Variants in CNBD1 observed in about 807,000 individuals in gnomAD.
CNBD1 encodes the protein cyclic nucleotide binding domain containing 1, also known as cyclic nucleotide-binding domain-containing protein 1.
A neutral mutation model predicts 54.4 loss-of-function variants in CNBD1; 71 were observed. The observed-to-expected ratio is 1.30, with a 90% CI of 1.08 to 1.59. CNBD1 has a LOEUF of 1.59. Ranked by LOEUF, CNBD1 falls within the 40% of genes most tolerant of loss-of-function variation. CNBD1 has a pLI of 0.00. For missense variants in CNBD1, 659 were observed against 518.0 expected (o/e 1.27, Z -2.64); for synonymous variants, 182 against 170.7 (o/e 1.07, Z -0.51).
chr8:87,236,387 T>C (rs894079446), intron 5 of CNBD1, among the ~76,000 whole-genome samples: 4 of 152,024 alleles, frequency 2.6e-5, no homozygotes, highest in Non-Finnish European at 4.4e-5. Flanking sequence ...AGGACAGATA[T>C]GGGAAAAACT....
rs539461255 is a variant in CNBD1, at chr8:86,877,390, G to A, written c.89-10152G>A. ...TATGGGTATGTGATTTCTTCACCCA[G>A]TGCTTACTAGGCGAAATTTGATATC... On this transcript the variant is annotated intron_variant, in intron 1 of 10. Coordinates refer to ENST00000518476, the MANE Select transcript of CNBD1 (RefSeq NM_173538.3). Among the ~76,000 whole-genome samples the A allele has an allele frequency of 4.6e-5, 7 of 152,216 alleles. No homozygotes were observed. The East Asian group carries it at 5.8e-4, about 13-fold the overall frequency.
chr8:87,261,945 A>C (rs1239975223), intron 6 of CNBD1, among the ~76,000 whole-genome samples: 1 of 151,768 alleles, frequency 6.6e-6, no homozygotes, highest in African/African-American at 2.4e-5. Context: ...CAGGAGTTCA[A>C]GACTAGTCTG....
chr8:87,284,651 A>T, intron 6 of CNBD1, 27 bp from the exon 7 acceptor site: 2 of 1,580,128 alleles, frequency 1.3e-6, no homozygotes, highest in Non-Finnish European at 1.7e-6. Flanking sequence ...GGTAATAAAC[A>T]TTAAATTGTC....
At chr8:87,132,857 C>T (rs1009527913) in intron 4 of CNBD1, among the ~76,000 whole-genome samples, 58 of 149,166 alleles carry the variant, frequency 3.9e-4, no homozygotes, top group Admixed American at 1.3e-3. Flanking sequence ...TTCCTCTCTC[C>T]TCTCATTTTG....
intron 5 of CNBD1, among the ~76,000 whole-genome samples, chr8:87,221,792 C>T (rs1478500024): frequency 1.3e-5 from 2 of 152,100 alleles, no homozygotes; most frequent in Non-Finnish European, 2.9e-5. Flanking sequence ...AATTTCTTTA[C>T]ATCCCGTCCA....
At chr8:87,048,934 G>T (rs1198397962) in intron 4 of CNBD1, among the ~76,000 whole-genome samples, 1 of 152,222 alleles carries the variant, frequency 6.6e-6, no homozygotes. Context: ...CCCCACCTAG[G>T]TGAAAGGTTT....
intron 5 of CNBD1, among the ~76,000 whole-genome samples, chr8:87,222,146 T>A (rs1422974375): frequency 6.6e-6 from 1 of 152,056 alleles, no homozygotes; most frequent in Non-Finnish European, 1.5e-5. Flanking sequence ...TAGGCTTCCA[T>A]CTAAGGGCCT....
At chr8:87,051,126 A>T (rs1245961692) in intron 4 of CNBD1, among the ~76,000 whole-genome samples, 1 of 152,156 alleles carries the variant, frequency 6.6e-6, no homozygotes, top group African/African-American at 2.4e-5. Context: ...AGGCATAATT[A>T]AAAAGGCATG....
intron 1 of CNBD1, among the ~76,000 whole-genome samples, chr8:86,879,553 A>C (rs1365570774): frequency 6.6e-6 from 1 of 152,218 alleles, no homozygotes; most frequent in Non-Finnish European, 1.5e-5. Flanking sequence ...TTCATGGAGC[A>C]CCCAGAACAT....
chr8:87,407,646 C>A (rs1173238111), intron 2 of CNBD1, among the ~76,000 whole-genome samples: 2 of 151,956 alleles, frequency 1.3e-5, no homozygotes, highest in African/African-American at 4.8e-5. Context: ...TGCTTTCAAT[C>A]CTTGTCAGCT....
intron 10 of CNBD1, among the ~76,000 whole-genome samples, chr8:87,359,997 A>G (rs1490954823): frequency 6.6e-6 from 1 of 152,022 alleles, no homozygotes; most frequent in African/African-American, 2.4e-5. Context: ...AGAACTATAA[A>G]GGTATTACTG....
In CNBD1 at chr8:86,875,175, TC is replaced by T. The variant is rs543121237; in HGVS notation, c.88+8594del. Among the ~76,000 whole-genome samples the T allele has an allele frequency of 2.6e-3, 396 of 152,086 alleles. 3 individuals are homozygous for T. The highest frequency in any genetic ancestry group is 9.1e-3 in the African/African-American group (376 of 41,470). ...TTTAACATAACACTTTTGAGTAGTT[TC>T]CTTGTTTGTAATCTATCTTCCATAT... On this transcript the variant is annotated intron_variant, in intron 1 of 10. Coordinates refer to ENST00000518476, the MANE Select transcript of CNBD1 (RefSeq NM_173538.3).
chr8:87,153,441 C>A (rs1421732109), intron 4 of CNBD1, among the ~76,000 whole-genome samples: 1 of 152,084 alleles, frequency 6.6e-6, no homozygotes, highest in Non-Finnish European at 1.5e-5. Flanking sequence ...AACAGCATAA[C>A]ACAAATGAGT....
chr8:87,336,483 A>G (rs539773312), intron 8 of CNBD1, among the ~76,000 whole-genome samples: 3 of 151,664 alleles, frequency 2.0e-5, no homozygotes, highest in Non-Finnish European at 4.4e-5. Context: ...TAATTGATCA[A>G]TTTGGCTATT....
chr8:87,313,887 CA>C (rs1809326458), intron 8 of CNBD1, among the ~76,000 whole-genome samples: 1 of 151,728 alleles, frequency 6.6e-6, no homozygotes, highest in African/African-American at 2.4e-5. Context: ...TATACCAAGG[CA>C]AAAAATTGTG....
chr8:87,036,693 A>C (rs1809958319), intron 4 of CNBD1, among the ~76,000 whole-genome samples: 1 of 151,688 alleles, frequency 6.6e-6, no homozygotes, highest in African/African-American at 2.4e-5. Context: ...GGAGATAATA[A>C]GTACTTTTCA....
At chr8:86,939,573 A>T in intron 3 of CNBD1, 23 bp from the exon 4 acceptor site, 1 of 1,542,192 alleles carries the variant, frequency 6.5e-7, no homozygotes, top group African/African-American at 1.4e-5. Flanking sequence ...CAACAGCATA[A>T]AATACTATAT....
At position 87,167,157 on chromosome 8, in the gene CNBD1, T is replaced by C. The variant is rs147636282; in HGVS notation, c.432-38836T>C. Among the ~76,000 whole-genome samples the C allele has an allele frequency of 9.5e-3, 1,441 of 152,136 alleles. 15 individuals are homozygous for C. Among genetic ancestry groups the C allele is most frequent in the Admixed American group, 0.015 (227 of 15,230 alleles). On this transcript the variant is annotated intron_variant, in intron 4 of 10. Coordinates refer to ENST00000518476, the MANE Select transcript of CNBD1 (RefSeq NM_173538.3). ...CTCTGTGCCTACCCTTTCAAATTTT[T>C]ATTTTTATATTCAATCAAGCACATT...
chr8:86,892,044 T>G (rs1808776406), intron 2 of CNBD1, among the ~76,000 whole-genome samples: 1 of 152,004 alleles, frequency 6.6e-6, no homozygotes, highest in Admixed American at 6.5e-5. Flanking sequence ...TGGGCTGTAT[T>G]TTTTTTCTTT....
Sources: allele counts gnomAD v4.1 joint callset (sites outside exome capture counted in the v4.1 genomes callset), GRCh38; gene constraint gnomAD v4.1.1; transcripts MANE v1.5; gene names NCBI Gene and HGNC (gene_info 2026-07-23, HGNC 2026-07-21).